SPON1: variants seen among roughly 807,000 people sequenced by gnomAD.
The protein encoded by SPON1 is spondin-1.
In SPON1, 52 loss-of-function variants were observed where a neutral mutation model predicts 111.7. That is an observed-to-expected ratio of 0.47 (90% CI 0.37 to 0.59). The LOEUF (loss-of-function observed/expected upper bound fraction) is 0.59. Among genes scored for constraint, SPON1 ranks in the 20% least tolerant of loss-of-function variants. The pLI, the probability that SPON1 is intolerant of heterozygous loss-of-function variation, is 0.00. For synonymous variants in SPON1, 410 were observed against 395.8 expected (o/e 1.04, Z -0.43); for missense variants, 957 against 1,068.5 (o/e 0.90, Z 1.46).
chr11:14,256,541 A>T, intron 9 of SPON1, 76 bp from the exon 10 acceptor site: 1 of 972,788 alleles, frequency 1.0e-6, no homozygotes, highest in Non-Finnish European at 1.6e-6. Flanking sequence ...ATTAGATTTT[A>T]GTCCTCTTTC....
At chr11:14,251,620 G>T (rs973147312) in intron 7 of SPON1, among the ~76,000 whole-genome samples, 10 of 152,204 alleles carry the variant, frequency 6.6e-5, no homozygotes, top group Non-Finnish European at 1.5e-4. Context: ...CACCTACTTA[G>T]GAAGACAGGA....
intron 3 of SPON1, among the ~76,000 whole-genome samples, chr11:14,049,031 T>C (rs1848689732): frequency 6.6e-6 from 1 of 152,168 alleles, no homozygotes; most frequent in South Asian, 2.1e-4. Context: ...AAATACTTAT[T>C]TCATCCTCAT....
chr11:14,154,207 G>T (rs559349141), intron 6 of SPON1, among the ~76,000 whole-genome samples: 1 of 152,344 alleles, frequency 6.6e-6, no homozygotes, highest in South Asian at 2.1e-4. Context: ...CCCCAGTAAG[G>T]ATACTGTGTG....
At chr11:14,042,864 A>G (rs1232158863) in intron 3 of SPON1, among the ~76,000 whole-genome samples, 1 of 152,158 alleles carries the variant, frequency 6.6e-6, no homozygotes, top group Non-Finnish European at 1.5e-5. Flanking sequence ...GCATCTGTCC[A>G]TTGTCCAGAC....
chr11:14,001,930 T>C (rs1438266873), intron 2 of SPON1, among the ~76,000 whole-genome samples: 1 of 152,184 alleles, frequency 6.6e-6, no homozygotes, highest in Non-Finnish European at 1.5e-5. Flanking sequence ...AAGTGATCAA[T>C]AAATGGTAGT....
intron 1 of SPON1, among the ~76,000 whole-genome samples, chr11:13,979,153 G>A (rs1251801139): frequency 6.6e-6 from 1 of 152,176 alleles, no homozygotes; most frequent in Non-Finnish European, 1.5e-5. Context: ...AGAGAAAGTT[G>A]GTTCCATGCC....
intron 6 of SPON1, among the ~76,000 whole-genome samples, chr11:14,197,885 C>A (rs1454392189): frequency 6.6e-6 from 1 of 152,072 alleles, no homozygotes; most frequent in Non-Finnish European, 1.5e-5. Context: ...TTGGAAGGGG[C>A]CTGACCAAAG....
chr11:14,052,957 G>T (rs151040008), intron 3 of SPON1, among the ~76,000 whole-genome samples: 45 of 152,306 alleles, frequency 3.0e-4, no homozygotes, highest in African/African-American at 1.1e-3. Flanking sequence ...GGGATTGACT[G>T]CAACTTTGTT....
intron 5 of SPON1, among the ~76,000 whole-genome samples, chr11:14,110,647 C>T (rs1554925368): frequency 6.6e-6 from 1 of 152,160 alleles, no homozygotes; most frequent in Non-Finnish European, 1.5e-5. Flanking sequence ...CCCAAGGGCT[C>T]CTGGAAGGCC....
chr11:14,097,901 C>T (rs1279872307), intron 5 of SPON1, among the ~76,000 whole-genome samples: 1 of 152,084 alleles, frequency 6.6e-6, no homozygotes, highest in Non-Finnish European at 1.5e-5. Flanking sequence ...TGTTCACTGA[C>T]AAGGTATGAT....
intron 6 of SPON1, among the ~76,000 whole-genome samples, chr11:14,172,588 C>T (rs1327614786): frequency 3.3e-5 from 5 of 151,948 alleles, no homozygotes; most frequent in East Asian, 1.9e-4. Context: ...TTCCTAGCCT[C>T]GATGGTCTTT....
intron 6 of SPON1, among the ~76,000 whole-genome samples, chr11:14,235,795 A>G (rs1848858784): frequency 6.6e-6 from 1 of 152,040 alleles, no homozygotes; most frequent in African/African-American, 2.4e-5. Context: ...TGAGTCAAAA[A>G]GGGGGCAGGG....
chr11:14,089,381 G>A (rs1554923042), intron 5 of SPON1, among the ~76,000 whole-genome samples: 4 of 152,142 alleles, frequency 2.6e-5, no homozygotes, highest in Admixed American at 1.3e-4. Context: ...CCTTCTAACA[G>A]TCAGGCTCCT....
At chr11:14,137,683 A>C (rs1554928261) in intron 6 of SPON1, among the ~76,000 whole-genome samples, 2 of 152,092 alleles carry the variant, frequency 1.3e-5, no homozygotes, top group African/African-American at 4.8e-5. Context: ...CTTGTTTGAA[A>C]CTTGTTGAGA....
rs186428326 is a variant in SPON1, at chr11:14,168,551, G to A, written c.825+32983G>A. ...AAGTTTTAGGGTACATGTGCACAAC[G>A]TGCAGGTTTGTTACCTATGTATACA... On this transcript the variant is annotated intron_variant, in intron 6 of 15. Coordinates refer to ENST00000576479, the MANE Select transcript of SPON1 (RefSeq NM_006108.4). 7.4e-3 allele frequency among the ~76,000 whole-genome samples: 1,124 copies of A among 151,662 alleles called. 13 individuals carry two copies. The highest frequency in any genetic ancestry group is 0.016 in the African/African-American group (643 of 41,310).
intron 6 of SPON1, among the ~76,000 whole-genome samples, chr11:14,199,507 C>T (rs1848438411): frequency 6.6e-6 from 1 of 152,054 alleles, no homozygotes; most frequent in African/African-American, 2.4e-5. Flanking sequence ...CCTTGACTAT[C>T]ACCACTTCCT....
chr11:14,005,521 T>G (rs1848352501), intron 2 of SPON1, among the ~76,000 whole-genome samples: 1 of 152,214 alleles, frequency 6.6e-6, no homozygotes, highest in Admixed American at 6.5e-5. Flanking sequence ...TGGCCCACTT[T>G]GATGTTCTAG....
chr11:14,192,419 T>A (rs1554934660), intron 6 of SPON1, among the ~76,000 whole-genome samples: 1 of 152,188 alleles, frequency 6.6e-6, no homozygotes, highest in Non-Finnish European at 1.5e-5. Context: ...AGCTTTGACA[T>A]TTTAAAGAAT....
chr11:14,037,808 G>C (rs1848605304), intron 2 of SPON1, among the ~76,000 whole-genome samples: 1 of 152,190 alleles, frequency 6.6e-6, no homozygotes, highest in South Asian at 2.1e-4. Flanking sequence ...CCACAGATTT[G>C]AAGAAAGTAT....
Sources: allele counts gnomAD v4.1 joint callset (sites outside exome capture counted in the v4.1 genomes callset), GRCh38; gene constraint gnomAD v4.1.1; transcripts MANE v1.5; gene names NCBI Gene and HGNC (gene_info 2026-07-23, HGNC 2026-07-21).